Variants in CADPS observed in about 807,000 individuals in gnomAD.
CADPS encodes the protein calcium-dependent secretion activator 1.
Under a neutral mutation model 167.3 loss-of-function variants are expected in CADPS, and 57 were observed. That is an observed-to-expected ratio of 0.34 (90% CI 0.28 to 0.42). The LOEUF (loss-of-function observed/expected upper bound fraction) is 0.42. Among genes scored for constraint, CADPS ranks in the 20% least tolerant of loss-of-function variants. The probability of loss-of-function intolerance (pLI) is 1.00; values close to 1 mark genes in which losing one functional copy is unlikely to be tolerated. For missense variants in CADPS, 1,414 were observed against 1,738.1 expected (o/e 0.81, Z 3.32); for synonymous variants, 676 against 635.3 (o/e 1.06, Z -0.96).
chr3:62,491,555 AC>A lies in CADPS; in HGVS notation c.2885-76del, dbSNP rs1561168877. The A allele has an allele frequency of 4.3e-3, 3,850 of 900,254 alleles. 2 individuals are homozygous for A. Among genetic ancestry groups the A allele is most frequent in the African/African-American group, 0.014 (675 of 48,348 alleles). 55.8% of individuals were successfully genotyped at this position (900,254 alleles called of 1,614,324 possible). ...ACGTACAACACACACACACACACAC[AC>A]AAACACACACACACACACACACACA... On this transcript the variant is annotated intron_variant, in intron 20 of 29. Transcript: ENST00000383710.
intron 6 of CADPS, among the ~76,000 whole-genome samples, chr3:62,626,806 T>G (rs756920506): frequency 9.9e-5 from 15 of 152,152 alleles, no homozygotes; most frequent in African/African-American, 1.4e-4. Context: ...AAAATAGATT[T>G]AAAGAAAAAT....
chr3:62,562,091 G>A (rs1264372094), intron 9 of CADPS, among the ~76,000 whole-genome samples: 1 of 152,158 alleles, frequency 6.6e-6, no homozygotes, highest in Admixed American at 6.5e-5. Context: ...TAAAAAGAGA[G>A]GTATATGGTA....
chr3:62,766,684 T>C (rs561591080), intron 1 of CADPS, among the ~76,000 whole-genome samples: 59 of 152,318 alleles, frequency 3.9e-4, no homozygotes, highest in African/African-American at 1.4e-3. Flanking sequence ...TCCTTGCCTA[T>C]CAATCCCACC....
At chr3:62,678,404 T>C (rs1043472281) in intron 3 of CADPS, among the ~76,000 whole-genome samples, 7 of 152,124 alleles carry the variant, frequency 4.6e-5, no homozygotes, top group Admixed American at 1.3e-4. Context: ...CTAAATTCCA[T>C]TTTTAGTTAA....
chr3:62,677,199 T>C (rs1434812073), intron 3 of CADPS, among the ~76,000 whole-genome samples: 1 of 152,032 alleles, frequency 6.6e-6, no homozygotes, highest in Non-Finnish European at 1.5e-5. Flanking sequence ...AACTGTGACA[T>C]TAGCCATCAC....
intron 1 of CADPS, among the ~76,000 whole-genome samples, chr3:62,773,873 A>G (rs1443290471): frequency 1.3e-5 from 2 of 152,198 alleles, no homozygotes; most frequent in Non-Finnish European, 2.9e-5. Flanking sequence ...TTAAAAAATG[A>G]GGTCAATTTT....
At chr3:62,853,635 A>AAAG (rs1553771029) in intron 1 of CADPS, among the ~76,000 whole-genome samples, 2 of 150,390 alleles carry the variant, frequency 1.3e-5, no homozygotes. Flanking sequence ...AAAAAAAAAA[A>AAAG]AAAAGAAAAG....
rs374550933 is a variant in CADPS, at chr3:62,547,586, G to GCAC, written c.1966+2316_1966+2317insGTG. 1.9e-3 allele frequency among the ~76,000 whole-genome samples: 59 copies of GCAC among 31,444 alleles called. 2 individuals are homozygous for GCAC. Among genetic ancestry groups the GCAC allele is most frequent in the African/African-American group, 5.1e-3 (37 of 7,290 alleles). 20.6% of individuals were successfully genotyped at this position (31,444 alleles called of 152,430 possible). On this transcript the variant is annotated intron_variant, in intron 11 of 29. Transcript: ENST00000383710. ...ATTCCCTAGGGATGATATCATTTAC[G>GCAC]CCCCCCCCCCCCCGCAAATTCTAAC...
intron 10 of CADPS, among the ~76,000 whole-genome samples, chr3:62,554,883 G>C (rs1006440984): frequency 8.5e-5 from 13 of 152,212 alleles, no homozygotes; most frequent in Middle Eastern, 3.4e-3. Context: ...CTCCCGAGTA[G>C]CTCGGATTAC....
In CADPS at chr3:62,770,115, C is replaced by T. The variant is rs535768325; in HGVS notation, c.442-4131G>A. Among the ~76,000 whole-genome samples the T allele has an allele frequency of 3.3e-5, 5 of 152,258 alleles. No individual in the cohort carries two copies. In the South Asian group the frequency reaches 1.0e-3, roughly 32 times the overall value. On this transcript the variant is annotated intron_variant, in intron 1 of 29. Transcript: ENST00000383710. ...TCTTTTTTACTTCTCAGCTGTGCCC[C>T]GACTTTTCTTGCCTGAGAGCCTTTG...
intron 1 of CADPS, among the ~76,000 whole-genome samples, chr3:62,817,422 C>T (rs893025159): frequency 5.9e-5 from 9 of 152,104 alleles, no homozygotes; most frequent in African/African-American, 2.2e-4. Context: ...ATCTACATGC[C>T]ATCTTTGTAT....
chr3:62,536,999 A>G (rs772253302), intron 11 of CADPS, among the ~76,000 whole-genome samples: 1 of 152,154 alleles, frequency 6.6e-6, no homozygotes, highest in Non-Finnish European at 1.5e-5. Context: ...TTTCTCTGCA[A>G]TTATTGGGAT....
At chr3:62,635,004 C>G (rs762006983) in intron 6 of CADPS, among the ~76,000 whole-genome samples, 1 of 152,168 alleles carries the variant, frequency 6.6e-6, no homozygotes, top group Non-Finnish European at 1.5e-5. Context: ...TTTGTGAGAT[C>G]TGCATTGGAC....
intron 26 of CADPS, among the ~76,000 whole-genome samples, chr3:62,449,197 C>T (rs2057681254): frequency 6.6e-6 from 1 of 152,190 alleles, no homozygotes; most frequent in South Asian, 2.1e-4. Context: ...CTGGCCATTT[C>T]TGGTGATAGA....
In CADPS at chr3:62,721,139, A is replaced by ATTTTTTTTTT. The variant is rs1268261563; in HGVS notation, c.888+32301_888+32302insAAAAAAAAAA. 1.2e-4 allele frequency among the ~76,000 whole-genome samples: 13 copies of ATTTTTTTTTT among 112,968 alleles called. 1 individual carries two copies. The highest frequency in any genetic ancestry group is 4.4e-4 in the African/African-American group (11 of 25,166). 74.1% of individuals were successfully genotyped at this position (112,968 alleles called of 152,430 possible). A position where few individuals can be genotyped will look rare whatever the true frequency, so the allele number is the denominator to read the frequency against. Reference sequence around the variant, plus strand: ...GCAGGTTTTTTTTTTTTTTTTAAAAAAAAAAAGAAGAAAAAAGAAAAAGTA... The same window carrying ATTTTTTTTTT: ...GCAGGTTTTTTTTTTTTTTTTAAAAATTTTTTTTTTAAAAAAGAAGAAAAAAGAAAAAGTA... On this transcript the variant is annotated intron_variant, in intron 3 of 29. Coordinates refer to ENST00000383710, the MANE Select transcript of CADPS (RefSeq NM_003716.4).
chr3:62,591,632 T>C (rs749922744), intron 7 of CADPS, among the ~76,000 whole-genome samples: 14 of 152,166 alleles, frequency 9.2e-5, no homozygotes, highest in Admixed American at 3.3e-4. Context: ...GGTGGGGTTA[T>C]TGGCAAAATC....
rs538530172 is a variant in CADPS at position 62,778,750 on chromosome 3, A to G, written c.442-12766T>C. ...AGCATTTCTGACATAAGCCAAAGTT[A>G]AGAGCCATTGCAAGAAACACTTGCT... is the stretch of plus-strand genomic sequence containing the variant. On this transcript the variant is annotated intron_variant, in intron 1 of 29. Coordinates refer to ENST00000383710, the MANE Select transcript of CADPS (RefSeq NM_003716.4). Among the ~76,000 whole-genome samples, 3 of 152,330 alleles carry G rather than the reference A, an allele frequency of 2.0e-5. No individual in the cohort carries two copies. The South Asian group carries it at 6.2e-4, about 32-fold the overall frequency.
rs140716771 is a variant in CADPS at position 62,584,254 on chromosome 3, G to A, written c.1577+931C>T. Among the ~76,000 whole-genome samples the A allele has an allele frequency of 3.0e-3, 455 of 152,114 alleles. 4 individuals are homozygous for A. The highest frequency in any genetic ancestry group is 9.8e-3 in the African/African-American group (407 of 41,482). ...ACTCCTGACCTCAGGTGATCCTCCC[G>A]TCTCGGCCTCCCAAAGTGCTGGGAT... is the stretch of plus-strand genomic sequence containing the variant. On this transcript the variant is annotated intron_variant, in intron 8 of 29. Coordinates refer to ENST00000383710, the MANE Select transcript of CADPS (RefSeq NM_003716.4).
At chr3:62,860,520 C>T (rs78922417) in intron 1 of CADPS, among the ~76,000 whole-genome samples, 1 of 152,142 alleles carries the variant, frequency 6.6e-6, no homozygotes, top group African/African-American at 2.4e-5. Context: ...AGTCAGCCCT[C>T]CCTATGTGTG....
Sources: gnomAD v4.1 joint callset for allele counts (sites outside exome capture counted in the v4.1 genomes callset) on GRCh38, gnomAD v4.1.1 for gene constraint, MANE v1.5 for transcripts, NCBI Gene and HGNC (gene_info 2026-07-23, HGNC 2026-07-21) for gene names.